PRSS3: variants seen among roughly 807,000 people sequenced by gnomAD.
The protein encoded by PRSS3 is trypsin-3.
PRSS3 carries 14 observed loss-of-function variants against 20.8 expected under a neutral mutation model. The ratio of observed to expected loss-of-function variants is 0.67; its 90% CI spans 0.44 to 1.05. PRSS3 has a LOEUF of 1.05. Ranked by LOEUF, PRSS3 falls within the 50% of genes least tolerant of loss-of-function variation. The pLI is 0.00. For missense variants in PRSS3, 237 were observed against 306.4 expected (o/e 0.77, Z 1.69); for synonymous variants, 91 against 117.6 (o/e 0.77, Z 1.46).
chr9:33,796,188 C>T (rs796276930), intron 1 of PRSS3, among the ~76,000 whole-genome samples: 1 of 152,230 alleles, frequency 6.6e-6, no homozygotes. Flanking sequence ...GCCCTCACTG[C>T]ACAGATCTGA....
chr9:33,758,503 A>G (rs1823050551), intron 1 of PRSS3, among the ~76,000 whole-genome samples: 1 of 152,202 alleles, frequency 6.6e-6, no homozygotes, highest in Non-Finnish European at 1.5e-5. Context: ...TTGGCTGAGA[A>G]CAGCCTGACA....
chr9:33,754,958 T>C (rs765829905), intron 1 of PRSS3, among the ~76,000 whole-genome samples: 1 of 152,166 alleles, frequency 6.6e-6, no homozygotes, highest in Non-Finnish European at 1.5e-5. Flanking sequence ...TATCTCTAAA[T>C]AGGTTGTTAT....
chr9:33,789,720 T>G (rs193106833), intron 1 of PRSS3, among the ~76,000 whole-genome samples: 54 of 152,312 alleles, frequency 3.5e-4, no homozygotes, highest in African/African-American at 7.2e-4. Context: ...CCATAGGAAG[T>G]TGACAAATTT....
chr9:33,794,654 T>C (rs970341221), upstream of PRSS3: 1 of 1,422,280 alleles, frequency 7.0e-7, no homozygotes, highest in African/African-American at 1.4e-5. Flanking sequence ...TTTACCATGG[T>C]CCAAACTCTG....
chr9:33,754,421 C>T (rs542166586), intron 1 of PRSS3, among the ~76,000 whole-genome samples: 3 of 152,126 alleles, frequency 2.0e-5, no homozygotes, highest in African/African-American at 7.2e-5. Flanking sequence ...GGTAGCCCAC[C>T]CCAAAAGACT....
chr9:33,770,257 A>G (rs139260628), intron 1 of PRSS3, among the ~76,000 whole-genome samples: 14 of 150,840 alleles, frequency 9.3e-5, no homozygotes, highest in South Asian at 2.1e-4. Flanking sequence ...AAATGTCTAT[A>G]CTCTGCCTGT....
At chr9:33,790,910 A>C (rs564360346), upstream of PRSS3, among the ~76,000 whole-genome samples, 1 of 152,248 alleles carries the variant, frequency 6.6e-6, no homozygotes, top group African/African-American at 2.4e-5. Context: ...GGAAAACTCT[A>C]CAAAGGCATT....
chr9:33,768,772 C>T (rs1279288783), intron 1 of PRSS3, among the ~76,000 whole-genome samples: 1 of 151,968 alleles, frequency 6.6e-6, no homozygotes, highest in Non-Finnish European at 1.5e-5. Context: ...AGGATAATTG[C>T]TTGAGCCCGG....
At chr9:33,785,023 CTT>C (rs1233831948) in intron 1 of PRSS3, among the ~76,000 whole-genome samples, 1 of 151,992 alleles carries the variant, frequency 6.6e-6, no homozygotes, top group African/African-American at 2.4e-5. Context: ...AAAAAATAGA[CTT>C]AAATAAATGT....
chr9:33,774,560 G>A (rs1398674944), intron 1 of PRSS3, among the ~76,000 whole-genome samples: 1 of 152,170 alleles, frequency 6.6e-6, no homozygotes, highest in Non-Finnish European at 1.5e-5. Flanking sequence ...GTGCAATTTT[G>A]ACATACATTT....
At chr9:33,769,917 A>G (rs1823609413) in intron 1 of PRSS3, among the ~76,000 whole-genome samples, 1 of 152,208 alleles carries the variant, frequency 6.6e-6, no homozygotes, top group Admixed American at 6.5e-5. Flanking sequence ...TGTAATCCCA[A>G]CACTTTGGGA....
At chr9:33,797,791 T>C in intron 2 of PRSS3, 38 bp from the exon 3 acceptor site, 2 of 1,614,220 alleles carry the variant, frequency 1.2e-6, no homozygotes, top group Non-Finnish European at 1.7e-6. Context: ...GCCCAGGCTG[T>C]GGGAGAAGGT....
chr9:33,790,815 G>A (rs909039114), upstream of PRSS3, among the ~76,000 whole-genome samples: 1 of 151,984 alleles, frequency 6.6e-6, no homozygotes, highest in Non-Finnish European at 1.5e-5. Context: ...TATCACTCCA[G>A]GAATTCAATA....
Position 33,798,526 on chromosome 9 carries a change from G to A in PRSS3, c.495G>A (p.Val165=), listed in dbSNP as rs754370406. The A allele has an allele frequency of 5.0e-6, 8 of 1,614,072 alleles. No individual in the cohort carries two copies. The East Asian group carries it at 1.8e-4, about 36-fold the overall frequency. ...PDELKCLDAP[V]LTQAECKASY... is the part of the protein sequence containing the mutation. ...AGCTGAAGTGCCTGGATGCTCCGGT[G>A]CTGACCCAGGCTGAGTGTAAAGCCT... The change falls in exon 4 of 5, where the codon GTG becomes GTA. Residue 165 remains valine (V), a synonymous_variant. Coordinates refer to ENST00000379405, the MANE Select transcript of PRSS3 (RefSeq NM_002771.4).
chr9:33,770,359 C>CA (rs1823629445), intron 1 of PRSS3, among the ~76,000 whole-genome samples: 1 of 152,188 alleles, frequency 6.6e-6, no homozygotes, highest in South Asian at 2.1e-4. Flanking sequence ...CCTCAAATCT[C>CA]ACCCATACCT....
At chr9:33,758,059 T>A (rs1823032089) in intron 1 of PRSS3, among the ~76,000 whole-genome samples, 1 of 152,174 alleles carries the variant, frequency 6.6e-6, no homozygotes, top group African/African-American at 2.4e-5. Context: ...TTGGATTATT[T>A]TTTTCCTCAT....
intron 1 of PRSS3, among the ~76,000 whole-genome samples, chr9:33,760,414 G>T (rs1385328650): frequency 6.6e-6 from 1 of 152,026 alleles, no homozygotes; most frequent in African/African-American, 2.4e-5. Flanking sequence ...TCAGAATTTG[G>T]AAGAGCCATG....
chr9:33,769,377 G>A (rs548846280), intron 1 of PRSS3, among the ~76,000 whole-genome samples: 14 of 152,288 alleles, frequency 9.2e-5, no homozygotes, highest in Admixed American at 2.6e-4. Context: ...CAGCAAGTCG[G>A]GAACAGAGAT....
intron 1 of PRSS3, among the ~76,000 whole-genome samples, chr9:33,777,735 TTAAAG>T (rs1824003222): frequency 6.7e-6 from 1 of 149,894 alleles, no homozygotes; most frequent in Non-Finnish European, 1.5e-5. Context: ...GTAAGACTAG[TTAAAG>T]TAAAAACTTC....
Sources: allele counts gnomAD v4.1 joint callset (sites outside exome capture counted in the v4.1 genomes callset), GRCh38; gene constraint gnomAD v4.1.1; transcripts MANE v1.5; gene names NCBI Gene and HGNC (gene_info 2026-07-23, HGNC 2026-07-21).